The following EPB41L3 variants were observed in gnomAD, a reference collection of about 807,000 sequenced individuals.
EPB41L3 encodes the protein erythrocyte membrane protein band 4.1 like 3.
EPB41L3 carries 57 observed loss-of-function variants against 127.1 expected under a neutral mutation model. That is an observed-to-expected ratio of 0.45 (90% CI 0.36 to 0.56). EPB41L3 has a LOEUF of 0.56. Ranked by LOEUF, EPB41L3 falls within the 20% of genes least tolerant of loss-of-function variation. The pLI, the probability that EPB41L3 is intolerant of heterozygous loss-of-function variation, is 0.00. For missense variants in EPB41L3, 1,273 were observed against 1,372.2 expected (o/e 0.93, Z 1.14); for synonymous variants, 572 against 549.5 (o/e 1.04, Z -0.57).
intron 3 of EPB41L3, among the ~76,000 whole-genome samples, chr18:5,585,316 T>C (rs771377268): frequency 2.6e-5 from 4 of 152,142 alleles, no homozygotes; most frequent in Non-Finnish European, 5.9e-5. Flanking sequence ...TATGGTTTTT[T>C]TGGTTGTTGT....
intron 3 of EPB41L3, among the ~76,000 whole-genome samples, chr18:5,562,778 C>G (rs1326102086): frequency 6.6e-6 from 1 of 152,174 alleles, no homozygotes; most frequent in Non-Finnish European, 1.5e-5. Context: ...TCTCATCCCC[C>G]CACACTGCTG....
At chr18:5,523,734 G>C (rs574960352) in intron 1 of EPB41L3, among the ~76,000 whole-genome samples, 1 of 152,004 alleles carries the variant, frequency 6.6e-6, no homozygotes, top group Non-Finnish European at 1.5e-5. Context: ...GTGGTGAACC[G>C]AGATTGCACC....
chr18:5,552,118 T>A (rs1568563324), intron 3 of EPB41L3, among the ~76,000 whole-genome samples: 1 of 152,284 alleles, frequency 6.6e-6, no homozygotes, highest in Non-Finnish European at 1.5e-5. Flanking sequence ...TAGAAGCCAC[T>A]GGATGACATG....
intron 1 of EPB41L3, among the ~76,000 whole-genome samples, chr18:5,514,511 T>C (rs1385256311): frequency 2.0e-5 from 3 of 147,912 alleles, no homozygotes; most frequent in East Asian, 3.9e-4. Context: ...ATTTCCAAAG[T>C]AGTTTTCTCC....
At chr18:5,428,228 A>G in intron 9 of EPB41L3, 85 bp downstream of exon 9, 1 of 1,521,256 alleles carries the variant, frequency 6.6e-7, no homozygotes, top group Non-Finnish European at 9.0e-7. Flanking sequence ...CACAATGCTC[A>G]GAACTCATAA....
At chr18:5,539,565 T>C (rs962262326) in intron 1 of EPB41L3, 8 of 152,230 alleles carry the variant, frequency 5.3e-5, no homozygotes, top group African/African-American at 1.2e-4. Flanking sequence ...TGCTCTGGAA[T>C]TGCTACATAG....
intron 1 of EPB41L3, among the ~76,000 whole-genome samples, chr18:5,627,399 A>G (rs1419190811): frequency 6.6e-6 from 1 of 152,158 alleles, no homozygotes; most frequent in Non-Finnish European, 1.5e-5. Flanking sequence ...TTCTCTAGGT[A>G]TTCAACCAGA....
intron 3 of EPB41L3, among the ~76,000 whole-genome samples, chr18:5,450,955 C>T (rs938824203): frequency 4.6e-5 from 7 of 152,140 alleles, no homozygotes; most frequent in African/African-American, 1.7e-4. Flanking sequence ...ATAAATGATA[C>T]TTCATTAGGA....
intron 16 of EPB41L3, among the ~76,000 whole-genome samples, chr18:5,402,862 C>T (rs2143463063): frequency 6.6e-6 from 1 of 152,200 alleles, no homozygotes; most frequent in East Asian, 1.9e-4. Context: ...AAGGTTTCTA[C>T]AAATAAAATT....
At chr18:5,583,556 T>C (rs117399376) in intron 3 of EPB41L3, among the ~76,000 whole-genome samples, 1 of 152,344 alleles carries the variant, frequency 6.6e-6, no homozygotes, top group East Asian at 1.9e-4. Flanking sequence ...TCCAGAAAAT[T>C]ATGCCAGGAG....
At chr18:5,606,483 C>T (rs186350919) in intron 3 of EPB41L3, among the ~76,000 whole-genome samples, 1 of 152,130 alleles carries the variant, frequency 6.6e-6, no homozygotes, top group East Asian at 1.9e-4. Context: ...GATGAGTATA[C>T]ATGTTACTTA....
intron 3 of EPB41L3, among the ~76,000 whole-genome samples, chr18:5,597,899 A>T (rs1433583753): frequency 6.6e-6 from 1 of 152,182 alleles, no homozygotes; most frequent in Non-Finnish European, 1.5e-5. Flanking sequence ...AAACCACAGC[A>T]GTAGCAGCAG....
chr18:5,403,648 C>T (rs1413355773), intron 16 of EPB41L3, among the ~76,000 whole-genome samples: 3 of 149,426 alleles, frequency 2.0e-5, no homozygotes, highest in African/African-American at 7.4e-5. Flanking sequence ...TTTGGGGTCA[C>T]CAAATCTAAG....
chr18:5,536,877 A>T (rs1039274114), intron 1 of EPB41L3, among the ~76,000 whole-genome samples: 1 of 152,190 alleles, frequency 6.6e-6, no homozygotes, highest in African/African-American at 2.4e-5. Flanking sequence ...GGTTACATAG[A>T]AGTATTTAAG....
chr18:5,419,945 C>T, intron 11 of EPB41L3, 68 bp from the exon 12 acceptor site: 3 of 1,610,930 alleles, frequency 1.9e-6, no homozygotes, highest in Non-Finnish European at 2.5e-6. Flanking sequence ...AAAGCAAATA[C>T]AATTAAAGAA....
chr18:5,565,409 C>A (rs191088435), intron 3 of EPB41L3, among the ~76,000 whole-genome samples: 15 of 151,138 alleles, frequency 9.9e-5, no homozygotes, highest in Middle Eastern at 3.5e-3. Flanking sequence ...AAGACTCCGT[C>A]TCCAAAAAAG....
chr18:5,410,599 G>A lies in EPB41L3; in HGVS notation c.2088C>T (p.Asp696=). ...SEEETDSERT[D]TAADGETTAT... is the part of the protein sequence containing the mutation. ...CAGTGGTCTCCCCGTCGGCTGCGGT[G>A]TCCGTGCGCTCACTGTCAGTCTGTT... Residue 696 remains aspartate, a synonymous_variant, in exon 14 of 23, where the codon GAC becomes GAT. Transcript: ENST00000341928. The A allele has an allele frequency of 6.2e-7, 1 of 1,613,684 alleles. No individual in the cohort carries two copies. The highest frequency in any genetic ancestry group is 1.7e-4 in the Middle Eastern group (1 of 6,060).
At chr18:5,433,723 C>T (rs3931700) in intron 7 of EPB41L3, among the ~76,000 whole-genome samples, 167 bp from the exon 8 acceptor site, 152,277 of 152,320 alleles carry the variant, frequency 1, 76,118 homozygotes, top group Middle Eastern at 1. Context: ...GCACTACAAA[C>T]GAACACCTGG....
chr18:5,583,131 C>T (rs913184210), intron 3 of EPB41L3, among the ~76,000 whole-genome samples: 2 of 152,174 alleles, frequency 1.3e-5, no homozygotes, highest in African/African-American at 2.4e-5. Flanking sequence ...TTTTACTATA[C>T]TATTTTAACT....
Sources: gnomAD v4.1 joint callset for allele counts (sites outside exome capture counted in the v4.1 genomes callset) on GRCh38, gnomAD v4.1.1 for gene constraint, MANE v1.5 for transcripts, NCBI Gene and HGNC (gene_info 2026-07-23, HGNC 2026-07-21) for gene names.